The following CPA6 variants were observed in gnomAD, a reference collection of about 807,000 sequenced individuals.
The protein encoded by CPA6 is carboxypeptidase B.
Under a neutral mutation model 63.3 loss-of-function variants are expected in CPA6, and 58 were observed. That is an observed-to-expected ratio of 0.92 (90% confidence interval 0.74 to 1.14). The LOEUF (loss-of-function observed/expected upper bound fraction) is 1.14. CPA6 is among the 50% of genes most tolerant of loss of function. The pLI, the probability that CPA6 is intolerant of heterozygous loss-of-function variation, is 0.00. For synonymous variants in CPA6, 185 were observed against 179.0 expected, an observed-to-expected ratio of 1.03 and a Z score of -0.27; for missense variants, 565 against 526.6, an observed-to-expected ratio of 1.07 and a Z score of -0.71.
intron 2 of CPA6, among the ~76,000 whole-genome samples, chr8:67,617,114 T>C (rs1034137122): frequency 4.6e-5 from 7 of 152,210 alleles, no homozygotes; most frequent in Admixed American, 4.6e-4. Flanking sequence ...CTTAAAATAC[T>C]ACTGCATAAG....
At chr8:67,542,993 A>G (rs1267852376) in intron 2 of CPA6, among the ~76,000 whole-genome samples, 1 of 152,224 alleles carries the variant, frequency 6.6e-6, no homozygotes, top group African/African-American at 2.4e-5. Context: ...ATTATTTAGT[A>G]TTTGTAGTAT....
chr8:67,654,172 A>G (rs1016067591), intron 1 of CPA6, among the ~76,000 whole-genome samples: 2 of 152,154 alleles, frequency 1.3e-5, no homozygotes, highest in African/African-American at 2.4e-5. Flanking sequence ...TTTTGCATCA[A>G]TGTTCATCAA....
At chr8:67,696,293 A>G (rs1816911353) in intron 1 of CPA6, among the ~76,000 whole-genome samples, 1 of 152,244 alleles carries the variant, frequency 6.6e-6, no homozygotes, top group Admixed American at 6.5e-5. Flanking sequence ...TGCATGTACA[A>G]TGGAGTTCAA....
intron 6 of CPA6, among the ~76,000 whole-genome samples, chr8:67,490,088 G>A (rs955751953): frequency 2.0e-5 from 3 of 152,114 alleles, no homozygotes; most frequent in African/African-American, 4.8e-5. Context: ...TCATCACGAC[G>A]TGATGACTGT....
At chr8:67,480,996 T>A (rs1047718202) in intron 8 of CPA6, among the ~76,000 whole-genome samples, 13 of 152,388 alleles carry the variant, frequency 8.5e-5, no homozygotes, top group Admixed American at 7.8e-4. Flanking sequence ...AAATCATTTG[T>A]GCACTTTTAA....
chr8:67,569,613 T>G, intron 2 of CPA6: 1 of 442,360 alleles, frequency 2.3e-6, no homozygotes, highest in South Asian at 1.7e-5. Flanking sequence ...AACCAGTCAA[T>G]AATGCAAAAC....
intron 8 of CPA6, among the ~76,000 whole-genome samples, chr8:67,449,442 T>C (rs1422647764): frequency 6.6e-6 from 1 of 152,208 alleles, no homozygotes; most frequent in Admixed American, 6.5e-5. Flanking sequence ...TTTTGTCTAC[T>C]TATTTTTCCA....
chr8:67,577,937 G>T (rs113350639), intron 2 of CPA6, among the ~76,000 whole-genome samples: 3 of 152,244 alleles, frequency 2.0e-5, no homozygotes, highest in Admixed American at 2.0e-4. Flanking sequence ...TGATAAAATT[G>T]TTCCCTTAGA....
intron 1 of CPA6, among the ~76,000 whole-genome samples, chr8:67,689,719 A>G (rs1252560680): frequency 1.3e-5 from 2 of 152,222 alleles, no homozygotes; most frequent in Non-Finnish European, 2.9e-5. Flanking sequence ...TATTGATAAT[A>G]GTGCTGCGAT....
intron 1 of CPA6, among the ~76,000 whole-genome samples, chr8:67,688,001 C>A (rs1373987891): frequency 6.6e-6 from 1 of 151,958 alleles, no homozygotes; most frequent in African/African-American, 2.4e-5. Flanking sequence ...CATGGAAAAA[C>A]CCCGTCCCTA....
chr8:67,433,620 C>T (rs900957611), intron 9 of CPA6, among the ~76,000 whole-genome samples: 3 of 152,160 alleles, frequency 2.0e-5, no homozygotes, highest in African/African-American at 7.2e-5. Flanking sequence ...TAATTACAGC[C>T]TTGCATACAT....
intron 1 of CPA6, among the ~76,000 whole-genome samples, chr8:67,689,331 G>A (rs1399228760): frequency 6.6e-6 from 1 of 152,088 alleles, no homozygotes; most frequent in Non-Finnish European, 1.5e-5. Context: ...TGTGTTACAT[G>A]GGTATATTGT....
At chr8:67,486,848 A>G (rs755947945) in intron 6 of CPA6, among the ~76,000 whole-genome samples, 15 of 151,524 alleles carry the variant, frequency 9.9e-5, no homozygotes, top group Non-Finnish European at 1.8e-4. Flanking sequence ...GCTCTTTAAC[A>G]TTTTGTTGTT....
intron 8 of CPA6, among the ~76,000 whole-genome samples, chr8:67,450,293 C>T (rs879608008): frequency 2.0e-5 from 3 of 152,196 alleles, no homozygotes; most frequent in East Asian, 1.9e-4. Context: ...TTTGGAATAA[C>T]AAGTAATGGC....
At position 67,616,501 on chromosome 8, in the gene CPA6, ATGTGTGTGTGTGTGTGTGTGTGTG is replaced by A. The variant is rs4009134; in HGVS notation, c.192+7651_192+7674del. 7.8e-3 allele frequency among the ~76,000 whole-genome samples: 997 copies of A among 127,044 alleles called. 13 individuals are homozygous for A. Among genetic ancestry groups the A allele is most frequent in the African/African-American group, 0.027 (932 of 33,982 alleles). The allele number at this position is 127,044 out of a possible 152,430, so 83.3% of individuals were successfully genotyped here. On this transcript the variant is annotated intron_variant, in intron 2 of 10. Transcript: ENST00000297770. ...CATCTGGGATTTGGTGGCAAATTGA[ATGTGTGTGTGTGTGTGTGTGTGTG>A]TGTGTGTGTGTGTGTGTGTGTGTGT...
chr8:67,521,990 A>C (rs1202585206), intron 2 of CPA6, among the ~76,000 whole-genome samples: 1 of 152,162 alleles, frequency 6.6e-6, no homozygotes, highest in African/African-American at 2.4e-5. Context: ...TAATGTTAGT[A>C]GTGATAGCGG....
At chr8:67,543,816 C>T (rs1480769870) in intron 2 of CPA6, among the ~76,000 whole-genome samples, 1 of 137,626 alleles carries the variant, frequency 7.3e-6, no homozygotes, top group African/African-American at 2.5e-5. Context: ...CAGGGTCTTG[C>T]TGTGTTGCCC....
intron 10 of CPA6, among the ~76,000 whole-genome samples, chr8:67,424,938 G>C (rs1809851543): frequency 6.6e-6 from 1 of 152,172 alleles, no homozygotes; most frequent in South Asian, 2.1e-4. Context: ...TGAAAGCTGG[G>C]AACTAGAGGT....
At chr8:67,479,789 A>G (rs577831565) in intron 8 of CPA6, among the ~76,000 whole-genome samples, 1 of 152,302 alleles carries the variant, frequency 6.6e-6, no homozygotes, top group East Asian at 1.9e-4. Context: ...CTCAGCTAGT[A>G]TAGCTCTCTC....
Sources: gnomAD v4.1 joint callset for allele counts (sites outside exome capture counted in the v4.1 genomes callset) on GRCh38, gnomAD v4.1.1 for gene constraint, MANE v1.5 for transcripts, NCBI Gene and HGNC (gene_info 2026-07-23, HGNC 2026-07-21) for gene names.